The following DYNC1H1 variants were observed in gnomAD, a reference collection of about 807,000 sequenced individuals.
DYNC1H1 encodes cytoplasmic dynein 1 heavy chain 1.
DYNC1H1 carries 51 observed loss-of-function variants against 527.1 expected under a neutral mutation model. That is an observed-to-expected ratio of 0.10 (90% CI 0.08 to 0.12). DYNC1H1 has a LOEUF of 0.12. Among genes scored for constraint, DYNC1H1 ranks in the 10% least tolerant of loss-of-function variants. DYNC1H1 has a pLI of 1.00. For missense variants in DYNC1H1, 2,771 were observed against 5,971.8 expected (o/e 0.46, Z 17.66); for synonymous variants, 2,189 against 2,278.8 (o/e 0.96, Z 1.12).
rs2152581702 is a variant in DYNC1H1 at position 102,015,463 on chromosome 14, G to A, written c.7242+131G>A. On this transcript the variant is annotated intron_variant, in intron 35 of 77. Coordinates refer to ENST00000360184, the MANE Select transcript of DYNC1H1 (RefSeq NM_001376.5). The surrounding 1 kb of genome is among the most constrained non-coding windows in gnomAD (Gnocchi z 6.9). ...AATCCACCTGCCTTGGCCTCTCAAAGTGCTGGGATTACAGGCATGAGTCAC... is the reference window on the plus strand; with the variant it reads ...AATCCACCTGCCTTGGCCTCTCAAAATGCTGGGATTACAGGCATGAGTCAC... 3 of 1,085,328 alleles carry A rather than the reference G, an allele frequency of 2.8e-6. No individual in the cohort carries two copies. The highest frequency in any genetic ancestry group is 1.6e-5 in the South Asian group (1 of 62,204). The allele number at this position is 1,085,328 out of a possible 1,614,324, so 67.2% of individuals were successfully genotyped here. A position where few individuals can be genotyped will look rare whatever the true frequency, so the allele number is the denominator to read the frequency against.
intron 52 of DYNC1H1, chr14:102,032,686 T>A (rs2048522953): frequency 1.6e-6 from 1 of 623,128 alleles, no homozygotes; most frequent in African/African-American, 1.8e-5. Context: ...ACCCTGTCTC[T>A]ACAAAAAAAT....
rs780524758 is a variant in DYNC1H1, at chr14:102,033,493, A to G, written c.10413+9A>G. On this transcript the variant is annotated intron_variant, in intron 54 of 77. Transcript: ENST00000360184. The surrounding 1 kb of genome is among the most constrained non-coding windows in gnomAD (Gnocchi z 5.6). ...CAGCTGTCGAGGCAAAAGTAAGATT[A>G]TCATCATTGATCCTCAGCCTTTCCT... The G allele has an allele frequency of 1.4e-5, 22 of 1,613,804 alleles. No homozygotes were observed. The highest frequency in any genetic ancestry group is 6.7e-5 in the African/African-American group (5 of 75,054).
rs2048863501 is a variant in DYNC1H1 at position 102,055,227 on chromosome 14, A to C, written c.*4664A>C. 1 of 152,094 alleles carries C rather than the reference A, an allele frequency of 6.6e-6. No homozygotes were observed. 9.4% of individuals were successfully genotyped at this position (152,094 alleles called of 1,614,324 possible). ...CTGGACTCAGGTGACAAGTCACCTA[A>C]GTGACAGATCCAGCATGCACTTTAT... On this transcript the variant is annotated 3_prime_UTR_variant, in exon 78 of 78. Coordinates refer to ENST00000360184, the MANE Select transcript of DYNC1H1 (RefSeq NM_001376.5).
chr14:102,036,987 C>T lies in DYNC1H1; in HGVS notation c.10908+345C>T. 1 of 346,884 alleles carries T rather than the reference C, an allele frequency of 2.9e-6. No individual in the cohort carries two copies. Among genetic ancestry groups the T allele is most frequent in the South Asian group, 2.3e-5 (1 of 43,918 alleles). 21.5% of individuals were successfully genotyped at this position (346,884 alleles called of 1,614,324 possible). On this transcript the variant is annotated intron_variant, in intron 57 of 77. Transcript: ENST00000360184. This position sits in a 1 kb window ranked among gnomAD's most constrained non-coding sequence, Gnocchi z 5.6. ...TGGCTGGCACCTGTAGTCCCAGCTA[C>T]TCGGGAGGCTGAGGCAGGAGAATCA...
chr14:101,995,779 G>C (rs961633518), intron 15 of DYNC1H1, among the ~76,000 whole-genome samples: 4 of 152,052 alleles, frequency 2.6e-5, no homozygotes, highest in African/African-American at 7.2e-5. Flanking sequence ...ACTTAGTGTA[G>C]GCCAGGCACG....
At chr14:102,032,763 G>A in intron 52 of DYNC1H1, 2 of 565,796 alleles carry the variant, frequency 3.5e-6, no homozygotes, top group Non-Finnish European at 6.3e-6. Flanking sequence ...TGAGGTGGGA[G>A]GATTGCCTGA....
rs1039216009 is a variant in DYNC1H1, at chr14:102,051,514, T to C, written c.*951T>C. Reference sequence around the variant, plus strand: ...TTGGCTCCTCCAGACAAGGGAGTTTTGTGCTGTAGATGAGGGAGTTGCCCA... The same window carrying C: ...TTGGCTCCTCCAGACAAGGGAGTTTCGTGCTGTAGATGAGGGAGTTGCCCA... On this transcript the variant is annotated 3_prime_UTR_variant, in exon 78 of 78. Coordinates refer to ENST00000360184, the MANE Select transcript of DYNC1H1 (RefSeq NM_001376.5). 22 of 152,166 alleles carry C rather than the reference T, an allele frequency of 1.4e-4. No individual in the cohort carries two copies. The highest frequency in any genetic ancestry group is 5.3e-4 in the African/African-American group (22 of 41,362). The allele number at this position is 152,166 out of a possible 1,614,324, so 9.4% of individuals were successfully genotyped here.
At position 102,027,919 on chromosome 14, in the gene DYNC1H1, C is replaced by T. The variant is rs753936994; in HGVS notation, c.9264-18C>T. ...CCTGCCCCTCATAGCTGTCCTGAAA[C>T]ATGGGCCTCTTTCTCAGGTGTGTGT... is the stretch of plus-strand genomic sequence containing the variant. On this transcript the variant is annotated intron_variant, in intron 47 of 77. Coordinates refer to ENST00000360184, the MANE Select transcript of DYNC1H1 (RefSeq NM_001376.5). This position sits in a 1 kb window ranked among gnomAD's most constrained non-coding sequence, Gnocchi z 7.7. 1.5e-5 allele frequency: 24 copies of T among 1,614,208 alleles called. No individual in the cohort carries two copies. The highest frequency in any genetic ancestry group is 2.0e-5 in the Non-Finnish European group (24 of 1,180,038).
chr14:101,998,879 C>CTTTTTTTTTTGTTTTTTTTTT (rs1470140199), intron 16 of DYNC1H1, among the ~76,000 whole-genome samples: 8 of 115,214 alleles, frequency 6.9e-5, no homozygotes, highest in African/African-American at 3.0e-4. Context: ...AAAACTTTTT[C>CTTTTTTTTTTGTTTTTTTTTT]TTTTTTTTTT....
intron 23 of DYNC1H1, among the ~76,000 whole-genome samples, chr14:102,004,096 T>C (rs1032153847): frequency 6.7e-6 from 1 of 149,976 alleles, no homozygotes; most frequent in East Asian, 2.0e-4. Flanking sequence ...AAAAAAAAAT[T>C]AGCCGGGCGT....
At chr14:101,984,452 T>A (rs868203963) in intron 7 of DYNC1H1, among the ~76,000 whole-genome samples, 1,171 of 114,380 alleles carry the variant, frequency 0.01, 8 homozygotes, top group Non-Finnish European at 0.016. Context: ...TATATTATAT[T>A]TTTTTTTTTT....
rs1436842162 is a variant in DYNC1H1, at chr14:102,000,373, C to T, written c.4048C>T (p.Pro1350Ser). 6.2e-7 allele frequency: 1 copy of T among 1,614,112 alleles called. No homozygotes were observed. Among genetic ancestry groups the T allele is most frequent in the Non-Finnish European group, 8.5e-7 (1 of 1,180,022 alleles). ...GCAAATCGATCAGATGAAGGAGCAA[C>T]CCTGGGTTTCAGTACAGCCTCGAAA... ...WEQIDQMKEQ[P>S]WVSVQPRKLR... The change falls in exon 18 of 78, where the codon CCC (proline) becomes TCC (serine). Residue 1350 changes from proline (P) to serine (S), a missense_variant. Transcript: ENST00000360184.
chr14:101,972,032 CT>C, intron 1 of DYNC1H1, among the ~76,000 whole-genome samples: 1 of 152,202 alleles, frequency 6.6e-6, no homozygotes, highest in South Asian at 2.1e-4. Context: ...TTAACAGTAA[CT>C]TTGTATTAAC....
intron 43 of DYNC1H1, among the ~76,000 whole-genome samples, chr14:102,024,994 A>AT (rs1418396277): frequency 1.3e-5 from 2 of 149,470 alleles, no homozygotes; most frequent in African/African-American, 2.5e-5. Flanking sequence ...GCACCCAGCC[A>AT]TTTTTTTACT....
chr14:102,013,825 G>A (rs1437829523), intron 34 of DYNC1H1, among the ~76,000 whole-genome samples: 2 of 152,204 alleles, frequency 1.3e-5, no homozygotes, highest in Non-Finnish European at 2.9e-5. Flanking sequence ...GGGACGGGGC[G>A]AGCTGGCAGC....
At chr14:101,974,120 A>G (rs2047772915) in intron 1 of DYNC1H1, among the ~76,000 whole-genome samples, 1 of 151,996 alleles carries the variant, frequency 6.6e-6, no homozygotes, top group East Asian at 1.9e-4. Context: ...TTTTTTTGAG[A>G]TGGAGTTTCA....
rs2048372764 is a variant in DYNC1H1, at chr14:102,020,500, G to A, written c.8507+444G>A. Among the ~76,000 whole-genome samples the A allele has an allele frequency of 6.6e-6, 1 of 152,166 alleles. No individual in the cohort carries two copies. Among genetic ancestry groups the A allele is most frequent in the South Asian group, 2.1e-4 (1 of 4,824 alleles). On this transcript the variant is annotated intron_variant, in intron 42 of 77. Coordinates refer to ENST00000360184, the MANE Select transcript of DYNC1H1 (RefSeq NM_001376.5). This position sits in a 1 kb window ranked among gnomAD's most constrained non-coding sequence, Gnocchi z 4.3. ...GTCTCCCAACAACTGCCCAGTGTGCGTGTTCCGTAACCACCACCCCTCTTC... is the reference window on the plus strand; with the variant it reads ...GTCTCCCAACAACTGCCCAGTGTGCATGTTCCGTAACCACCACCCCTCTTC...
rs1256118131 is a variant in DYNC1H1, at chr14:101,964,602, C to T, written c.-90C>T. ...TGCGGTGGGCTAGCGGACGGTCCGGCTTCCGGCGGCCGTTTCTGTCTCTTG... is the reference window on the plus strand; with the variant it reads ...TGCGGTGGGCTAGCGGACGGTCCGGTTTCCGGCGGCCGTTTCTGTCTCTTG... On this transcript the variant is annotated 5_prime_UTR_variant, in exon 1 of 78. Transcript: ENST00000360184. The surrounding 1 kb of genome is among the most constrained non-coding windows in gnomAD (Gnocchi z 5.5). The T allele has an allele frequency of 1.6e-5, 25 of 1,529,664 alleles. No homozygotes were observed. Among genetic ancestry groups the T allele is most frequent in the Middle Eastern group, 2.1e-4 (1 of 4,674 alleles). The allele number at this position is 1,529,664 out of a possible 1,614,324, so 94.8% of individuals were successfully genotyped here.
rs200930886 is a variant in DYNC1H1, at chr14:102,004,978, C to T, written c.5238+28C>T. ...AATCTATAGTAGAAGTGAGTGGGCTCGTGGTGAAAACGCAGACCAATCTTT... is the reference window on the plus strand; with the variant it reads ...AATCTATAGTAGAAGTGAGTGGGCTTGTGGTGAAAACGCAGACCAATCTTT... On this transcript the variant is annotated intron_variant, in intron 25 of 77. Coordinates refer to ENST00000360184, the MANE Select transcript of DYNC1H1 (RefSeq NM_001376.5). 1.6e-4 allele frequency: 254 copies of T among 1,614,124 alleles called. 2 individuals are homozygous for T. In the East Asian group the frequency reaches 5.1e-3, roughly 33 times the overall value.
Sources: gnomAD v4.1 joint callset for allele counts (sites outside exome capture counted in the v4.1 genomes callset) on GRCh38, gnomAD v4.1.1 for gene constraint, Gnocchi (gnomAD v3.1) non-coding constraint, MANE v1.5 for transcripts, NCBI Gene and HGNC (gene_info 2026-07-23, HGNC 2026-07-21) for gene names.